TRIM37: variants seen among roughly 807,000 people sequenced by gnomAD.
TRIM37 encodes tripartite motif containing 37, also known as E3 ubiquitin-protein ligase TRIM37.
A neutral mutation model predicts 129.8 loss-of-function variants in TRIM37; 80 were observed. That is an observed-to-expected ratio of 0.62 (90% CI 0.51 to 0.74). TRIM37 has a LOEUF of 0.74. Among genes scored for constraint, TRIM37 ranks in the 30% least tolerant of loss-of-function variants. The pLI is 0.00. For missense variants in TRIM37, 1,054 were observed against 1,176.5 expected, an observed-to-expected ratio of 0.90 and a Z score of 1.52; for synonymous variants, 389 against 387.1, an observed-to-expected ratio of 1.00 and a Z score of -0.06.
exon 25 of TRIM37, chr17:58,982,730 G>T: frequency 1.9e-6 from 1 of 526,856 alleles, no homozygotes; most frequent in Admixed American, 3.4e-5. Context: ...TCTTGATTTT[G>T]AAGTCATTTC....
In TRIM37 at chr17:59,012,430, C is replaced by A; in HGVS notation, c.2593G>T (p.Gly865Cys). 1 of 1,608,144 alleles carries A rather than the reference C, an allele frequency of 6.2e-7. No homozygotes were observed. Residue 865 changes from glycine (G) to cysteine (C), a missense_variant, in exon 22 of 24, where the codon GGT (glycine) becomes TGT (cysteine). By Grantham distance (159) the Gly-to-Cys change is radical (BLOSUM62 -3). This residue lies in a region of TRIM37 where 287 missense variants were observed against 274.3 expected (regional missense o/e 1.05). Transcript: ENST00000262294. ...MVTLGANAKG[G>C]HLEGLQMTDL... ...GTCATCTGCAGTCCTTCCAGATGAC[C>A]TCCTTTAGCATTAGCCCTCAAAGAA...
intron 23 of TRIM37, among the ~76,000 whole-genome samples, chr17:59,000,622 C>T (rs574586140): frequency 1.8e-4 from 27 of 152,030 alleles, no homozygotes; most frequent in Admixed American, 2.6e-4. Flanking sequence ...AGAAGAAATG[C>T]AATGCAAATA....
rs1372945602 is a variant in TRIM37, at chr17:59,047,727, T to C, written c.1623A>G (p.Thr541=). The C allele has an allele frequency of 6.2e-7, 1 of 1,614,132 alleles. No individual in the cohort carries two copies. Among genetic ancestry groups the C allele is most frequent in the East Asian group, 2.2e-5 (1 of 44,884 alleles). ...LDGSSSSASS[T]ATSNTEENDI... Reference sequence around the variant, plus strand: ...CATTTTCTTCTGTATTACTTGTTGCTGTGGAACTAGCAGAGGAACTGCTGC... The same window carrying C: ...CATTTTCTTCTGTATTACTTGTTGCCGTGGAACTAGCAGAGGAACTGCTGC... Residue 541 remains threonine, a synonymous_variant, in exon 16 of 24, where the codon ACA becomes ACG. Coordinates refer to ENST00000262294, the MANE Select transcript of TRIM37 (RefSeq NM_015294.6).
intron 8 of TRIM37, chr17:59,073,109 T>C (rs1329448309): frequency 5.9e-5 from 9 of 152,210 alleles, no homozygotes; most frequent in Admixed American, 5.9e-4. Context: ...ATATCCTTCC[T>C]TGACACCATT....
At chr17:59,017,889 A>G (rs62084374) in intron 19 of TRIM37, among the ~76,000 whole-genome samples, 93,919 of 152,028 alleles carry the variant, frequency 0.62, 29,170 homozygotes, top group East Asian at 0.7. Flanking sequence ...GCCTCCCAAA[A>G]TGCTGGGATT....
intron 16 of TRIM37, among the ~76,000 whole-genome samples, chr17:59,046,106 G>C (rs1448871971): frequency 6.6e-6 from 1 of 152,070 alleles, no homozygotes; most frequent in African/African-American, 2.4e-5. Flanking sequence ...TGCAACTAAT[G>C]AATGAGTAAG....
chr17:59,051,188 C>T, intron 14 of TRIM37, 26 bp downstream of exon 14: 1 of 1,470,840 alleles, frequency 6.8e-7, no homozygotes, highest in Non-Finnish European at 9.5e-7. Context: ...TAGGAAACAC[C>T]AAAACAGAAA....
chr17:59,068,078 T>C (rs2042061898), intron 9 of TRIM37, among the ~76,000 whole-genome samples: 1 of 152,210 alleles, frequency 6.6e-6, no homozygotes, highest in Non-Finnish European at 1.5e-5. Context: ...TCTTTTCCTG[T>C]ATGTTGCAAC....
intron 24 of TRIM37, among the ~76,000 whole-genome samples, chr17:58,991,175 CAAAAA>C (rs71145510): frequency 1.2e-5 from 1 of 83,668 alleles, no homozygotes; most frequent in African/African-American, 4.7e-5. Flanking sequence ...AACTCTGTCT[CAAAAA>C]AAAAAAAAAA....
rs2045796246 is a variant in TRIM37, at chr17:59,104,303, C to G, written c.113G>C (p.Ser38Thr). 6.2e-7 allele frequency: 1 copy of G among 1,613,952 alleles called. No homozygotes were observed. The highest frequency in any genetic ancestry group is 1.3e-5 in the African/African-American group (1 of 74,930). ...AGAAATACAACTTACCCTAATACAG[C>G]TGAAACAACACAGTTTGGAGCAATG... ...CPHCSKLCCFSCIRRWLTEQR... is the reference protein window; with the variant it reads ...CPHCSKLCCFTCIRRWLTEQR... Residue 38 changes from serine to threonine, a missense_variant, in exon 2 of 24, where the codon AGC (serine) becomes ACC (threonine). Coordinates refer to ENST00000262294, the MANE Select transcript of TRIM37 (RefSeq NM_015294.6).
At chr17:59,080,028 G>A in intron 6 of TRIM37, 151 bp from the exon 7 acceptor site, 2 of 834,182 alleles carry the variant, frequency 2.4e-6, no homozygotes, top group Non-Finnish European at 3.7e-6. Flanking sequence ...ATTTCAAAAT[G>A]GCAGACATGC....
downstream of TRIM37, among the ~76,000 whole-genome samples, chr17:58,996,248 G>A (rs1175099121): frequency 6.6e-5 from 10 of 151,974 alleles, no homozygotes; most frequent in Non-Finnish European, 1.2e-4. Flanking sequence ...GAGGCGGGTG[G>A]ATCACTTGAT....
chr17:59,106,504 C>T lies in TRIM37; in HGVS notation c.-43G>A, dbSNP rs774482623. The T allele has an allele frequency of 6.2e-7, 1 of 1,612,464 alleles. No homozygotes were observed. Among genetic ancestry groups the T allele is most frequent in the Admixed American group, 1.7e-5 (1 of 59,916 alleles). On this transcript the variant is annotated 5_prime_UTR_variant, in exon 1 of 24. Transcript: ENST00000262294. ...GGGGCCGCTGGCGACCCGCAGGCTC[C>T]GCAGTCTGACCTCTTAGGCGCCGGC... is the stretch of plus-strand genomic sequence containing the variant.
chr17:59,045,125 G>C (rs1328542577), intron 16 of TRIM37, among the ~76,000 whole-genome samples: 1 of 152,078 alleles, frequency 6.6e-6, no homozygotes, highest in Non-Finnish European at 1.5e-5. Flanking sequence ...AGGAGATTGA[G>C]ATCATCCTGG....
rs537644358 is a variant in TRIM37 at position 59,052,827 on chromosome 17, C to A, written c.1200-1499G>T. Among the ~76,000 whole-genome samples the A allele has an allele frequency of 5.9e-5, 9 of 151,936 alleles. No individual in the cohort carries two copies. In the East Asian group the frequency reaches 1.5e-3, roughly 26 times the overall value. On this transcript the variant is annotated intron_variant, in intron 13 of 23. Coordinates refer to ENST00000262294, the MANE Select transcript of TRIM37 (RefSeq NM_015294.6). ...AAAATTAGCCGGGTATGGTGGCGGG[C>A]GCCTGTAATCCCAGCTACTCAGGAG...
chr17:59,085,187 G>A (rs372305878), intron 4 of TRIM37, among the ~76,000 whole-genome samples: 8 of 152,102 alleles, frequency 5.3e-5, no homozygotes, highest in South Asian at 4.2e-4. Context: ...TTAGCTGGGC[G>A]TGGTGGTGCA....
Position 59,106,791 on chromosome 17 carries a change from G to A in TRIM37, c.-330C>T, listed in dbSNP as rs1321167790. On this transcript the variant is annotated 5_prime_UTR_variant, in exon 1 of 24. Coordinates refer to ENST00000262294, the MANE Select transcript of TRIM37 (RefSeq NM_015294.6). ...GCGGGCGCGCGCCTATGGAACTGAC[G>A]GTGGAGTTCAGCGAAGAAGGTGCCG... The A allele has an allele frequency of 1.3e-5, 7 of 538,464 alleles. No homozygotes were observed. The highest frequency in any genetic ancestry group is 6.5e-5 in the South Asian group (3 of 46,198). The allele number at this position is 538,464 out of a possible 1,614,324, so 33.4% of individuals were successfully genotyped here.
At chr17:59,015,299 G>A (rs180759308) in intron 21 of TRIM37, among the ~76,000 whole-genome samples, 139 of 151,938 alleles carry the variant, frequency 9.1e-4, no homozygotes, top group African/African-American at 3.2e-3. Context: ...AATTAGCAGG[G>A]TGTGGTGGCG....
chr17:59,028,924 G>C (rs2037529029), intron 18 of TRIM37, among the ~76,000 whole-genome samples: 1 of 152,126 alleles, frequency 6.6e-6, no homozygotes, highest in South Asian at 2.1e-4. Context: ...GTTAGAATCT[G>C]AGTCACATCA....
Sources: gnomAD v4.1 joint callset for allele counts (sites outside exome capture counted in the v4.1 genomes callset) on GRCh38, gnomAD v4.1.1 for gene constraint, gnomAD v4.1.1 regional missense constraint, MANE v1.5 for transcripts, NCBI Gene and HGNC (gene_info 2026-07-23, HGNC 2026-07-21) for gene names.